The following SH3BP4 variants were observed in gnomAD, a reference collection of about 807,000 sequenced individuals.
SH3BP4 encodes the protein SH3 domain binding protein 4.
SH3BP4 carries 33 observed loss-of-function variants against 65.5 expected under a neutral mutation model. That is an observed-to-expected ratio of 0.50 (90% CI 0.38 to 0.67). The LOEUF (loss-of-function observed/expected upper bound fraction) is 0.67, where lower values mean the gene tolerates loss of function less well. Ranked by LOEUF, SH3BP4 falls within the 30% of genes least tolerant of loss-of-function variation. The pLI, the probability that SH3BP4 is intolerant of heterozygous loss-of-function variation, is 0.00. For missense variants in SH3BP4, 1,134 were observed against 1,261.4 expected (o/e 0.90, Z 1.53); for synonymous variants, 552 against 545.5 (o/e 1.01, Z -0.17).
chr2:235,044,378 G>A (rs549663265), intron 4 of SH3BP4, among the ~76,000 whole-genome samples: 1 of 152,258 alleles, frequency 6.6e-6, no homozygotes, highest in African/African-American at 2.4e-5. Context: ...CGTCAGCAGA[G>A]CTGGGTCCTG....
At chr2:235,028,597 A>C (rs1227685823) in intron 2 of SH3BP4, among the ~76,000 whole-genome samples, 2 of 152,210 alleles carry the variant, frequency 1.3e-5, no homozygotes, top group East Asian at 3.8e-4. Flanking sequence ...AACCATGCAC[A>C]TGACAGGAGC....
intron 1 of SH3BP4, among the ~76,000 whole-genome samples, chr2:234,961,103 T>C (rs1193955690): frequency 1.3e-5 from 2 of 152,206 alleles, no homozygotes; most frequent in African/African-American, 4.8e-5. Context: ...CTTCCTGTTA[T>C]GACCTCGGTC....
At chr2:234,982,454 T>A (rs1479300728) in intron 1 of SH3BP4, among the ~76,000 whole-genome samples, 1 of 152,164 alleles carries the variant, frequency 6.6e-6, no homozygotes, top group Non-Finnish European at 1.5e-5. Flanking sequence ...TCTATAGGTC[T>A]CAAAGCCCAG....
chr2:235,036,547 A>G (rs1279472672), intron 3 of SH3BP4, among the ~76,000 whole-genome samples: 1 of 152,006 alleles, frequency 6.6e-6, no homozygotes, highest in Non-Finnish European at 1.5e-5. Context: ...CGAGGTCAGG[A>G]GTTCGAGACC....
At chr2:234,993,939 T>C (rs1201046763) in intron 1 of SH3BP4, among the ~76,000 whole-genome samples, 1 of 152,240 alleles carries the variant, frequency 6.6e-6, no homozygotes, top group African/African-American at 2.4e-5. Flanking sequence ...TGTTTTTGTC[T>C]TCTCTGGTTT....
intron 2 of SH3BP4, among the ~76,000 whole-genome samples, chr2:235,028,051 T>C (rs1307781351): frequency 6.6e-6 from 1 of 152,156 alleles, no homozygotes; most frequent in Non-Finnish European, 1.5e-5. Context: ...TGATGTTGTC[T>C]GTTCAGACGC....
rs889606473 is a variant in SH3BP4 at position 234,967,573 on chromosome 2, T to C, written c.-207+15403T>C. Among the ~76,000 whole-genome samples, 4 of 152,198 alleles carry C rather than the reference T, an allele frequency of 2.6e-5. No individual in the cohort carries two copies. The highest frequency in any genetic ancestry group is 7.2e-5 in the African/African-American group (3 of 41,454). ...CAGCCTTGCACTTCCCTAAGTGGTATTGGAGCTGCGCTCATTGCAATAAGG... is the reference window on the plus strand; with the variant it reads ...CAGCCTTGCACTTCCCTAAGTGGTACTGGAGCTGCGCTCATTGCAATAAGG... On this transcript the variant is annotated intron_variant, in intron 1 of 5. Transcript: ENST00000392011. The surrounding 1 kb of genome is among the most constrained non-coding windows in gnomAD (Gnocchi z 4.6).
At position 235,034,239 on chromosome 2, in the gene SH3BP4, T is replaced by C. The variant is rs1318277301; in HGVS notation, c.-132-632T>C. On this transcript the variant is annotated intron_variant, in intron 2 of 5. Coordinates refer to ENST00000392011, the MANE Select transcript of SH3BP4 (RefSeq NM_014521.3). The surrounding 1 kb of genome is among the most constrained non-coding windows in gnomAD (Gnocchi z 6.2). ...AAAGATCTTTCCTGCTTAGTAACAGTGGTTCAGTAAATATGCCCTGGTTTC... is the reference window on the plus strand; with the variant it reads ...AAAGATCTTTCCTGCTTAGTAACAGCGGTTCAGTAAATATGCCCTGGTTTC... Among the ~76,000 whole-genome samples, 1 of 152,198 alleles carries C rather than the reference T, an allele frequency of 6.6e-6. No individual in the cohort carries two copies. Among genetic ancestry groups the C allele is most frequent in the Non-Finnish European group, 1.5e-5 (1 of 68,020 alleles).
At chr2:234,970,145 A>C (rs1347060461) in intron 1 of SH3BP4, among the ~76,000 whole-genome samples, 1 of 151,608 alleles carries the variant, frequency 6.6e-6, no homozygotes, top group African/African-American at 2.4e-5. Context: ...ACACTCTCAC[A>C]CTCACTCACA....
intron 1 of SH3BP4, among the ~76,000 whole-genome samples, chr2:234,965,743 C>T (rs114696401): frequency 0.017 from 2,574 of 152,090 alleles, 70 homozygotes; most frequent in African/African-American, 0.058. Context: ...ATTTCCACAG[C>T]GAACCTGTGT....
At chr2:235,036,503 C>T (rs11685136) in intron 3 of SH3BP4, among the ~76,000 whole-genome samples, 48,884 of 151,710 alleles carry the variant, frequency 0.32, 8,105 homozygotes, top group East Asian at 0.46. Flanking sequence ...CGCCTGTAAT[C>T]CCAGCACTTT....
At chr2:235,017,017 T>C (rs1694703848) in intron 2 of SH3BP4, among the ~76,000 whole-genome samples, 1 of 150,432 alleles carries the variant, frequency 6.6e-6, no homozygotes, top group African/African-American at 2.4e-5. Flanking sequence ...CAGATCTCAC[T>C]TTCGGCAGCG....
chr2:234,969,727 G>C (rs1170767240), intron 1 of SH3BP4, among the ~76,000 whole-genome samples: 1 of 152,194 alleles, frequency 6.6e-6, no homozygotes, highest in Non-Finnish European at 1.5e-5. Flanking sequence ...GGGCCCCTAG[G>C]ATGCCTGTGG....
chr2:234,969,526 A>G (rs893277316), intron 1 of SH3BP4, among the ~76,000 whole-genome samples: 12 of 152,308 alleles, frequency 7.9e-5, no homozygotes, highest in Admixed American at 5.9e-4. Flanking sequence ...CTTCAGCGCC[A>G]GTTGTCGCCT....
chr2:234,982,788 A>G (rs1693426747), intron 1 of SH3BP4, among the ~76,000 whole-genome samples: 1 of 152,192 alleles, frequency 6.6e-6, no homozygotes, highest in African/African-American at 2.4e-5. Context: ...AGTGGATGCC[A>G]TGGAGTCTGT....
rs1041082170 is a variant in SH3BP4, at chr2:234,997,848, T to C, written c.-133+2472T>C. ...GATTAAGAAGAATCAGAAGACTGGG[T>C]GCGGTGGCTCATGCCTGTAATCCCA... On this transcript the variant is annotated intron_variant, in intron 2 of 5. Coordinates refer to ENST00000392011, the MANE Select transcript of SH3BP4 (RefSeq NM_014521.3). The surrounding 1 kb of genome is among the most constrained non-coding windows in gnomAD (Gnocchi z 4.2). 2.6e-5 allele frequency among the ~76,000 whole-genome samples: 4 copies of C among 152,060 alleles called. No individual in the cohort carries two copies. Among genetic ancestry groups the C allele is most frequent in the African/African-American group, 4.8e-5 (2 of 41,390 alleles).
At chr2:235,051,571 C>T (rs1326678708) in intron 4 of SH3BP4, among the ~76,000 whole-genome samples, 1 of 152,134 alleles carries the variant, frequency 6.6e-6, no homozygotes, top group Non-Finnish European at 1.5e-5. Context: ...AAAGTTCTTG[C>T]AGCTTTGACG....
At chr2:234,970,237 C>T (rs1692958590) in intron 1 of SH3BP4, among the ~76,000 whole-genome samples, 2 of 152,188 alleles carry the variant, frequency 1.3e-5, no homozygotes, top group South Asian at 4.1e-4. Flanking sequence ...ACGCTGATGC[C>T]GAAGGACTGG....
chr2:234,997,544 G>A lies in SH3BP4; in HGVS notation c.-133+2168G>A, dbSNP rs1693960155. On this transcript the variant is annotated intron_variant, in intron 2 of 5. Transcript: ENST00000392011. The surrounding 1 kb of genome is among the most constrained non-coding windows in gnomAD (Gnocchi z 4.2). Reference sequence around the variant, plus strand: ...ACCAGAATGACTGAGGAAACAGGAGGCCTGCAGCAGAGCACGGCCGATTGC... The same window carrying A: ...ACCAGAATGACTGAGGAAACAGGAGACCTGCAGCAGAGCACGGCCGATTGC... Among the ~76,000 whole-genome samples the A allele has an allele frequency of 6.6e-6, 1 of 152,166 alleles. No individual in the cohort carries two copies. The highest frequency in any genetic ancestry group is 2.1e-4 in the South Asian group (1 of 4,822).
Sources: gnomAD v4.1 joint callset for allele counts (sites outside exome capture counted in the v4.1 genomes callset) on GRCh38, gnomAD v4.1.1 for gene constraint, Gnocchi (gnomAD v3.1) non-coding constraint, MANE v1.5 for transcripts, NCBI Gene and HGNC (gene_info 2026-07-23, HGNC 2026-07-21) for gene names.